PTPRD: variants seen among roughly 807,000 people sequenced by gnomAD.
PTPRD encodes the protein receptor-type tyrosine-protein phosphatase delta.
Under a neutral mutation model 214.5 loss-of-function variants are expected in PTPRD, and 34 were observed. The ratio of observed to expected loss-of-function variants is 0.16; its 90% CI spans 0.12 to 0.21. The LOEUF is 0.21. Among genes scored for constraint, PTPRD ranks in the 10% least tolerant of loss-of-function variants. PTPRD has a pLI of 1.00. For synonymous variants in PTPRD, 1,128 were observed against 845.7 expected, an observed-to-expected ratio of 1.33 and a Z score of -5.79; for missense variants, 2,545 against 2,398.7, an observed-to-expected ratio of 1.06 and a Z score of -1.27.
intron 22 of PTPRD, among the ~76,000 whole-genome samples, chr9:8,505,577 G>A (rs1401308787): frequency 2.0e-4 from 29 of 143,412 alleles, no homozygotes; most frequent in African/African-American, 2.4e-4. Context: ...AGCAGAGATC[G>A]CGCCACTGCA....
At chr9:8,676,579 A>T (rs9886727) in intron 12 of PTPRD, among the ~76,000 whole-genome samples, 12,763 of 146,766 alleles carry the variant, frequency 0.087, 1,427 homozygotes, top group African/African-American at 0.26. Flanking sequence ...TTTTGTTTTG[A>T]TTGTTTGTTT....
intron 7 of PTPRD, among the ~76,000 whole-genome samples, chr9:9,632,564 T>C (rs1564184523): frequency 6.6e-6 from 1 of 151,950 alleles, no homozygotes; most frequent in South Asian, 2.1e-4. Flanking sequence ...GGTATGTGAA[T>C]TTTTTCTAAA....
At chr9:9,700,418 T>C (rs2097474512) in intron 7 of PTPRD, among the ~76,000 whole-genome samples, 1 of 152,114 alleles carries the variant, frequency 6.6e-6, no homozygotes, top group African/African-American at 2.4e-5. Flanking sequence ...AATATGGTAA[T>C]TTTATTACAC....
At chr9:9,875,804 T>C (rs574017406) in intron 5 of PTPRD, among the ~76,000 whole-genome samples, 1 of 152,130 alleles carries the variant, frequency 6.6e-6, no homozygotes, top group Non-Finnish European at 1.5e-5. Flanking sequence ...CAGTTAATCT[T>C]AGTAAAATGT....
intron 5 of PTPRD, among the ~76,000 whole-genome samples, chr9:9,876,270 A>G (rs149118428): frequency 2.5e-3 from 380 of 152,272 alleles, no homozygotes; most frequent in African/African-American, 8.6e-3. Context: ...AAATGAATAT[A>G]TGATTTCTTT....
rs768353460 is a variant in PTPRD, at chr9:8,633,380, C to T, written c.289G>A (p.Glu97Lys). The T allele has an allele frequency of 6.2e-7, 1 of 1,612,878 alleles. No individual in the cohort carries two copies. The highest frequency in any genetic ancestry group is 8.5e-7 in the Non-Finnish European group (1 of 1,179,132). ...CCCACATTATTTGAGGCCACACATT[C>T]ATAAATGGCCTCATCCCTCGGAGTC... Reference protein sequence around the residue: ...LRTPRDEAIYECVASNNVGEI... With the variant: ...LRTPRDEAIYKCVASNNVGEI... Residue 97 changes from glutamate (E) to lysine (K), a missense_variant, in exon 14 of 46, where the codon GAA becomes AAA. By Grantham distance (56) the Glu-to-Lys change is moderately conservative (BLOSUM62 1). Coordinates refer to ENST00000381196, the MANE Select transcript of PTPRD (RefSeq NM_002839.4).
chr9:9,219,729 T>G (rs561324702), intron 9 of PTPRD, among the ~76,000 whole-genome samples: 12 of 152,290 alleles, frequency 7.9e-5, no homozygotes, highest in Admixed American at 7.8e-4. Context: ...GGAAACATTT[T>G]CTGTGGAGTG....
chr9:8,847,862 T>C (rs375696681), intron 11 of PTPRD, among the ~76,000 whole-genome samples: 14 of 152,292 alleles, frequency 9.2e-5, no homozygotes, highest in Non-Finnish European at 1.6e-4. Context: ...GTTTCTCAGA[T>C]AAAATGGTAT....
chr9:9,929,821 T>C (rs958898192), intron 5 of PTPRD, among the ~76,000 whole-genome samples: 2 of 129,764 alleles, frequency 1.5e-5, no homozygotes, highest in Admixed American at 8.6e-5. Context: ...TGTGGTCTAC[T>C]TGTACTACAT....
intron 13 of PTPRD, among the ~76,000 whole-genome samples, chr9:8,636,237 G>T (rs1457793295): frequency 6.6e-6 from 1 of 152,232 alleles, no homozygotes; most frequent in East Asian, 1.9e-4. Context: ...CAATTGGATG[G>T]GACTGTCCTC....
chr9:10,528,762 T>A (rs970164291), intron 2 of PTPRD, among the ~76,000 whole-genome samples: 16 of 152,178 alleles, frequency 1.1e-4, no homozygotes, highest in African/African-American at 3.9e-4. Flanking sequence ...TAACTGTGAG[T>A]GTCTTTAAAT....
At chr9:9,626,489 A>G (rs540950275) in intron 7 of PTPRD, among the ~76,000 whole-genome samples, 8 of 152,204 alleles carry the variant, frequency 5.3e-5, no homozygotes, top group Non-Finnish European at 4.4e-5. Context: ...AATGGCTTCA[A>G]ATATTGAAAC....
chr9:8,703,189 T>C (rs1246220865), intron 12 of PTPRD, among the ~76,000 whole-genome samples: 4 of 152,214 alleles, frequency 2.6e-5, no homozygotes, highest in Admixed American at 1.3e-4. Context: ...ATATGCAGGA[T>C]GGTAATAGAC....
intron 9 of PTPRD, among the ~76,000 whole-genome samples, chr9:9,302,960 GCTC>G (rs1187577596): frequency 2.0e-5 from 3 of 151,862 alleles, no homozygotes; most frequent in South Asian, 4.1e-4. Flanking sequence ...TTACACATCT[GCTC>G]CTCTCTTTAG....
In PTPRD at chr9:10,453,679, T is replaced by C. The variant is rs2098871632; in HGVS notation, c.-599-112662A>G. ...CTGCAACTTTACTGAATTTATTATG[T>C]CTCACCAGTTATTTTTTTTTGTGGG... On this transcript the variant is annotated intron_variant, in intron 2 of 45. Coordinates refer to ENST00000381196, the MANE Select transcript of PTPRD (RefSeq NM_002839.4). Among the ~76,000 whole-genome samples the C allele has an allele frequency of 3.3e-5, 5 of 151,806 alleles. No individual in the cohort carries two copies. The South Asian group carries it at 1.0e-3, about 31-fold the overall frequency.
At chr9:9,644,773 A>G (rs2096091253) in intron 7 of PTPRD, among the ~76,000 whole-genome samples, 1 of 152,112 alleles carries the variant, frequency 6.6e-6, no homozygotes, top group Non-Finnish European at 1.5e-5. Flanking sequence ...CACAAACCCC[A>G]CTGGCAGAGG....
intron 8 of PTPRD, among the ~76,000 whole-genome samples, chr9:9,571,542 T>C (rs890410481): frequency 2.0e-5 from 3 of 151,260 alleles, no homozygotes; most frequent in Admixed American, 2.0e-4. Flanking sequence ...TTAATGATGC[T>C]GTAGAACATT....
intron 14 of PTPRD, among the ~76,000 whole-genome samples, chr9:8,624,081 T>C (rs554145336): frequency 6.6e-6 from 1 of 152,024 alleles, no homozygotes; most frequent in South Asian, 2.1e-4. Flanking sequence ...AGAAATAATA[T>C]TCTAGTACGA....
At chr9:10,069,465 G>C (rs551896449) in intron 3 of PTPRD, among the ~76,000 whole-genome samples, 16 of 152,020 alleles carry the variant, frequency 1.1e-4, no homozygotes, top group Non-Finnish European at 2.2e-4. Context: ...TTTCCAAACT[G>C]CCTGACCATT....
Sources: allele counts gnomAD v4.1 joint callset (sites outside exome capture counted in the v4.1 genomes callset), GRCh38; gene constraint gnomAD v4.1.1; transcripts MANE v1.5; gene names NCBI Gene and HGNC (gene_info 2026-07-23, HGNC 2026-07-21).